FAM124B: variants seen among roughly 807,000 people sequenced by gnomAD.
FAM124B encodes the protein family with sequence similarity 124 member B, also known as protein FAM124B.
FAM124B carries 18 observed loss-of-function variants against 19.7 expected under a neutral mutation model. That is an observed-to-expected ratio of 0.92 (90% CI 0.63 to 1.36). The LOEUF (loss-of-function observed/expected upper bound fraction) is 1.36, where lower values mean the gene tolerates loss of function less well. Ranked by LOEUF, FAM124B falls within the 40% of genes most tolerant of loss-of-function variation. FAM124B has a pLI of 0.00. For missense variants in FAM124B, 540 were observed against 553.3 expected (o/e 0.98, Z 0.24); for synonymous variants, 223 against 225.2 (o/e 0.99, Z 0.09).
chr2:224,396,794 C>T (rs1450091144), intron 1 of FAM124B, among the ~76,000 whole-genome samples: 1 of 152,200 alleles, frequency 6.6e-6, no homozygotes, highest in African/African-American at 2.4e-5. Context: ...TTTTGTTGCG[C>T]CATGGTGGGG....
In FAM124B at chr2:224,380,207, A is replaced by AC; in HGVS notation, c.733dup (p.Val245GlyfsTer10). On this transcript the variant is annotated frameshift_variant and splice_region_variant, in exon 2 of 2. Transcript: ENST00000409685. LOFTEE classifies it low-confidence loss of function (END_TRUNC). ...AACACCAAGTTCTGGATTCAGCTGA[A>AC]CCTACAGGAAAGGAAAGGAGGAACA... is the stretch of plus-strand genomic sequence containing the variant. 6.5e-7 allele frequency: 1 copy of AC among 1,535,458 alleles called. No homozygotes were observed. The highest frequency in any genetic ancestry group is 8.8e-7 in the Non-Finnish European group (1 of 1,137,554).
chr2:224,390,457 G>A (rs1689862699), intron 1 of FAM124B, among the ~76,000 whole-genome samples: 1 of 152,022 alleles, frequency 6.6e-6, no homozygotes, highest in African/African-American at 2.4e-5. Context: ...GAGCCATCGA[G>A]CCAAGGAAAA....
At chr2:224,387,128 G>A (rs571332184) in intron 1 of FAM124B, among the ~76,000 whole-genome samples, 28 of 152,204 alleles carry the variant, frequency 1.8e-4, no homozygotes, top group Non-Finnish European at 3.5e-4. Context: ...TCCCTTCAGG[G>A]AGAATTAAGC....
intron 1 of FAM124B, among the ~76,000 whole-genome samples, chr2:224,391,283 A>G (rs1261338303): frequency 6.7e-6 from 1 of 150,212 alleles, no homozygotes; most frequent in African/African-American, 2.4e-5. Flanking sequence ...GGAGGTTGCA[A>G]TGAGCTGAGA....
intron 1 of FAM124B, among the ~76,000 whole-genome samples, chr2:224,387,834 A>G (rs1009697695): frequency 2.6e-5 from 4 of 152,184 alleles, no homozygotes. Flanking sequence ...GCCCTCAAGA[A>G]ATGCTAGAGA....
intron 1 of FAM124B, chr2:224,400,370 G>T: frequency 3.1e-6 from 2 of 649,442 alleles, no homozygotes; most frequent in Non-Finnish European, 5.6e-6. Flanking sequence ...GCCAGACATG[G>T]CGGCACGTGC....
intron 1 of FAM124B, among the ~76,000 whole-genome samples, chr2:224,386,569 A>G (rs1689803343): frequency 1.3e-5 from 2 of 152,196 alleles, no homozygotes. Context: ...TATCATCGTC[A>G]TTAGTATTAT....
In FAM124B at chr2:224,401,863, C is replaced by T. The variant is rs2106092336; in HGVS notation, c.-95G>A. 1 of 1,434,412 alleles carries T rather than the reference C, an allele frequency of 7.0e-7. No homozygotes were observed. Among genetic ancestry groups the T allele is most frequent in the Non-Finnish European group, 9.4e-7 (1 of 1,064,902 alleles). The allele number at this position is 1,434,412 out of a possible 1,614,324, so 88.9% of individuals were successfully genotyped here. ...TGAAGAAGCGGCCCAGCCTTCAGCC[C>T]GCCTGAAAACCTTCAGCTGCAGCGG... is the stretch of plus-strand genomic sequence containing the variant. On this transcript the variant is annotated 5_prime_UTR_variant, in exon 1 of 2. Coordinates refer to ENST00000409685, the MANE Select transcript of FAM124B (RefSeq NM_001122779.2).
chr2:224,392,312 T>G (rs1009099373), intron 1 of FAM124B, among the ~76,000 whole-genome samples: 1 of 152,068 alleles, frequency 6.6e-6, no homozygotes, highest in Admixed American at 6.5e-5. Context: ...GGCATGGTAA[T>G]GCACGCCTAG....
At position 224,378,841 on chromosome 2, in the gene FAM124B, C is replaced by T. The variant is rs1319311992; in HGVS notation, c.*732G>A. 6.6e-6 allele frequency: 1 copy of T among 152,228 alleles called. No homozygotes were observed. Among genetic ancestry groups the T allele is most frequent in the African/African-American group, 2.4e-5 (1 of 41,464 alleles). The allele number at this position is 152,228 out of a possible 1,614,324, so 9.4% of individuals were successfully genotyped here. On this transcript the variant is annotated 3_prime_UTR_variant, in exon 2 of 2. Coordinates refer to ENST00000409685, the MANE Select transcript of FAM124B (RefSeq NM_001122779.2). ...CAGATCAACCAGTCCAATTTTCCCA[C>T]TGTGCTCAATGTTCCTCTTTGGTTT...
At chr2:224,392,459 A>G (rs1193208662) in intron 1 of FAM124B, among the ~76,000 whole-genome samples, 2 of 152,008 alleles carry the variant, frequency 1.3e-5, no homozygotes, top group Non-Finnish European at 2.9e-5. Flanking sequence ...AAAGCAAAGA[A>G]AAAAGATGAG....
chr2:224,382,234 T>C (rs1689733440), intron 1 of FAM124B, among the ~76,000 whole-genome samples: 1 of 152,162 alleles, frequency 6.6e-6, no homozygotes, highest in African/African-American at 2.4e-5. Context: ...CCATAGACAA[T>C]ATATAAATGA....
Position 224,395,454 on chromosome 2 carries a change from C to A in FAM124B, c.732+5583G>T, listed in dbSNP as rs551880338. 1.4e-4 allele frequency among the ~76,000 whole-genome samples: 21 copies of A among 152,244 alleles called. No homozygotes were observed. The South Asian group carries it at 2.7e-3, about 20-fold the overall frequency. ...GAGGCGGACATCATCACCCATGCTA[C>A]CTTCCCCCAGAACACACTGACACTG... On this transcript the variant is annotated intron_variant, in intron 1 of 1. Coordinates refer to ENST00000409685, the MANE Select transcript of FAM124B (RefSeq NM_001122779.2).
chr2:224,401,774 A>G lies in FAM124B; in HGVS notation c.-6T>C, dbSNP rs762955970. 1 of 1,608,530 alleles carries G rather than the reference A, an allele frequency of 6.2e-7. No homozygotes were observed. Among genetic ancestry groups the G allele is most frequent in the South Asian group, 1.1e-5 (1 of 90,862 alleles). ...GGCCCCTGTGTCTCATCCATGGAGGAACTGCCTGAGGCTGACAAAGACAGC... is the reference window on the plus strand; with the variant it reads ...GGCCCCTGTGTCTCATCCATGGAGGGACTGCCTGAGGCTGACAAAGACAGC... On this transcript the variant is annotated 5_prime_UTR_variant, in exon 1 of 2. Transcript: ENST00000409685.
chr2:224,384,974 G>T (rs189377588), intron 1 of FAM124B, among the ~76,000 whole-genome samples: 1 of 151,652 alleles, frequency 6.6e-6, no homozygotes, highest in African/African-American at 2.4e-5. Context: ...TTCAAGTCTC[G>T]TGTCTTGAAA....
intron 1 of FAM124B, among the ~76,000 whole-genome samples, chr2:224,397,167 G>A (rs1689986353): frequency 6.6e-6 from 1 of 152,190 alleles, no homozygotes; most frequent in African/African-American, 2.4e-5. Context: ...CCAGTGGGAG[G>A]TGATTGAATT....
chr2:224,395,565 T>G (rs1158719114), intron 1 of FAM124B, among the ~76,000 whole-genome samples: 1 of 152,094 alleles, frequency 6.6e-6, no homozygotes, highest in Non-Finnish European at 1.5e-5. Flanking sequence ...CACTATCATT[T>G]TGCACCCACT....
Position 224,379,315 on chromosome 2 carries a change from T to C in FAM124B, c.*258A>G, listed in dbSNP as rs1292995774. On this transcript the variant is annotated 3_prime_UTR_variant, in exon 2 of 2. Coordinates refer to ENST00000409685, the MANE Select transcript of FAM124B (RefSeq NM_001122779.2). The stretch of plus-strand genomic sequence containing the variant: ...GATTCAACACATCCAGCTGGGTTAG[T>C]GCATCTCCACGGAACAAAAGCATTC... 1 of 428,732 alleles carries C rather than the reference T, an allele frequency of 2.3e-6. No individual in the cohort carries two copies. Among genetic ancestry groups the C allele is most frequent in the Non-Finnish European group, 4.1e-6 (1 of 242,196 alleles). 26.6% of individuals were successfully genotyped at this position (428,732 alleles called of 1,614,324 possible).
Position 224,400,537 on chromosome 2 carries a change from A to T in FAM124B, c.732+500T>A, listed in dbSNP as rs185740451. ...AATAAAAAAATTAAAAATTAAAAAA[A>T]CCATATCTAAACATAAGTATGACTT... On this transcript the variant is annotated intron_variant, in intron 1 of 1. Transcript: ENST00000409685. 1.9e-4 allele frequency: 133 copies of T among 686,450 alleles called. 1 individual carries two copies. In the African/African-American group the frequency reaches 2.0e-3, roughly 10 times the overall value. The allele number at this position is 686,450 out of a possible 1,614,324, so 42.5% of individuals were successfully genotyped here. A position where few individuals can be genotyped will look rare whatever the true frequency, so the allele number is the denominator to read the frequency against.
Sources: allele counts gnomAD v4.1 joint callset (sites outside exome capture counted in the v4.1 genomes callset), GRCh38; gene constraint gnomAD v4.1.1; transcripts MANE v1.5; gene names NCBI Gene and HGNC (gene_info 2026-07-23, HGNC 2026-07-21).